RBFOX1: variants seen among roughly 807,000 people sequenced by gnomAD.
The protein encoded by RBFOX1 is RNA binding fox-1 homolog 1.
A neutral mutation model predicts 57.7 loss-of-function variants in RBFOX1; 8 were observed. The ratio of observed to expected loss-of-function variants is 0.14; its 90% confidence interval spans 0.08 to 0.25. RBFOX1 has a LOEUF of 0.25. Ranked by LOEUF, RBFOX1 falls within the 10% of genes least tolerant of loss-of-function variation. The probability of loss-of-function intolerance (pLI) is 1.00; values close to 1 mark genes in which losing one functional copy is unlikely to be tolerated. For missense variants in RBFOX1, 611 were observed against 548.5 expected (o/e 1.11, Z -1.14); for synonymous variants, 326 against 222.4 (o/e 1.47, Z -4.15).
At position 7,710,875 on chromosome 16, in the gene RBFOX1, A is replaced by G. The variant is rs2083907606; in HGVS notation, c.*130A>G. 5 of 983,502 alleles carry G rather than the reference A, an allele frequency of 5.1e-6. No homozygotes were observed. The Admixed American group carries it at 1.2e-4, about 23-fold the overall frequency. The allele number at this position is 983,502 out of a possible 1,614,324, so 60.9% of individuals were successfully genotyped here. On this transcript the variant is annotated 3_prime_UTR_variant, in exon 16 of 16. Transcript: ENST00000550418. ...AAAAAAAAATACAAATAAAAAGGAAAAAAAATTACATTTTTTATCTTATAC... is the reference window on the plus strand; with the variant it reads ...AAAAAAAAATACAAATAAAAAGGAAGAAAAATTACATTTTTTATCTTATAC...
At chr16:5,255,686 A>G (rs1364756740) in intron 1 of RBFOX1, among the ~76,000 whole-genome samples, 7 of 151,692 alleles carry the variant, frequency 4.6e-5, no homozygotes, top group Non-Finnish European at 1.0e-4. Flanking sequence ...CCACCCATCT[A>G]TCCATCCACC....
rs567180485 is a variant in RBFOX1 at position 5,831,350 on chromosome 16, T to C, written c.319-35953T>C. Among the ~76,000 whole-genome samples, 120 of 152,278 alleles carry C rather than the reference T, an allele frequency of 7.9e-4. No individual in the cohort carries two copies. In the South Asian group the frequency reaches 0.024, roughly 31 times the overall value. On this transcript the variant is annotated intron_variant, in intron 3 of 19. Transcript: ENST00000641259. ...CTCTATCTTGCTCCTGCTCTGGCCA[T>C]GGGACCTGCCTGTTCCCACTTGGCT...
intron 4 of RBFOX1, among the ~76,000 whole-genome samples, chr16:7,511,947 G>T (rs1041869879): frequency 2.0e-5 from 3 of 152,212 alleles, no homozygotes; most frequent in Non-Finnish European, 4.4e-5. Context: ...TCCAGGCACT[G>T]AAATTAAACG....
At chr16:7,393,461 C>T (rs1189449744) in intron 4 of RBFOX1, among the ~76,000 whole-genome samples, 2 of 152,184 alleles carry the variant, frequency 1.3e-5, no homozygotes, top group East Asian at 3.9e-4. Context: ...TATATAGTTT[C>T]TATATAATTT....
At chr16:6,187,478 T>C (rs2097112486) in intron 1 of RBFOX1, among the ~76,000 whole-genome samples, 1 of 152,154 alleles carries the variant, frequency 6.6e-6, no homozygotes, top group Non-Finnish European at 1.5e-5. Context: ...TTTTCTAAGC[T>C]TTTCTAATGA....
intron 4 of RBFOX1, among the ~76,000 whole-genome samples, chr16:7,489,571 G>T (rs182822169): frequency 2.0e-5 from 3 of 151,998 alleles, no homozygotes; most frequent in Non-Finnish European, 4.4e-5. Context: ...GCTGGAATGC[G>T]GTGGTACCAT....
chr16:6,926,657 A>C (rs2075642063), intron 3 of RBFOX1, among the ~76,000 whole-genome samples: 1 of 152,136 alleles, frequency 6.6e-6, no homozygotes, highest in Non-Finnish European at 1.5e-5. Flanking sequence ...TTGCGGGCTG[A>C]GTAAACATAT....
chr16:6,688,165 G>A (rs148357636), intron 3 of RBFOX1, among the ~76,000 whole-genome samples: 33 of 152,014 alleles, frequency 2.2e-4, no homozygotes, highest in African/African-American at 7.7e-4. Context: ...GGTTTCAGAA[G>A]ACTTTCAGTC....
intron 3 of RBFOX1, among the ~76,000 whole-genome samples, chr16:6,948,035 TC>T (rs2079915194): frequency 6.6e-6 from 1 of 152,110 alleles, no homozygotes. Context: ...TGCCTTCACC[TC>T]CCAAAATGTT....
chr16:5,961,400 G>T (rs1185316641), intron 4 of RBFOX1, among the ~76,000 whole-genome samples: 1 of 151,870 alleles, frequency 6.6e-6, no homozygotes, highest in Non-Finnish European at 1.5e-5. Flanking sequence ...AAATTCGGGT[G>T]GTGGGACAGA....
intron 3 of RBFOX1, among the ~76,000 whole-genome samples, chr16:6,784,763 G>C (rs1034394581): frequency 2.0e-5 from 3 of 151,950 alleles, no homozygotes; most frequent in African/African-American, 7.3e-5. Flanking sequence ...GTGGTCGGGG[G>C]TTGTGGGGAA....
intron 4 of RBFOX1, among the ~76,000 whole-genome samples, chr16:7,149,792 G>C (rs964466449): frequency 6.6e-6 from 1 of 152,014 alleles, no homozygotes; most frequent in Non-Finnish European, 1.5e-5. Context: ...TTTCCATTAA[G>C]TAATGTCTAG....
chr16:6,902,200 C>G (rs939103142), intron 3 of RBFOX1, among the ~76,000 whole-genome samples: 1 of 152,092 alleles, frequency 6.6e-6, no homozygotes, highest in African/African-American at 2.4e-5. Flanking sequence ...TTCTTGATGT[C>G]TTCATTTTTT....
chr16:7,138,868 G>C (rs555060262), intron 4 of RBFOX1, among the ~76,000 whole-genome samples: 5 of 152,270 alleles, frequency 3.3e-5, no homozygotes, highest in African/African-American at 1.2e-4. Flanking sequence ...GAGTGCAATG[G>C]TGTGATTTAG....
chr16:6,565,478 C>T (rs1032294007), intron 2 of RBFOX1, among the ~76,000 whole-genome samples: 1 of 150,944 alleles, frequency 6.6e-6, no homozygotes, highest in African/African-American at 2.4e-5. Context: ...AGGATGGTCT[C>T]GATCTCCTGA....
chr16:7,507,561 CTTTCTT>C (rs1257148512), intron 4 of RBFOX1, among the ~76,000 whole-genome samples: 2 of 122,904 alleles, frequency 1.6e-5, no homozygotes, highest in South Asian at 2.8e-4. Flanking sequence ...TTTTTTCTTT[CTTTCTT>C]TTTTTTTTTT....
At chr16:5,907,928 G>C (rs12929543) in intron 4 of RBFOX1, among the ~76,000 whole-genome samples, 53,487 of 151,344 alleles carry the variant, frequency 0.35, 9,941 homozygotes, top group East Asian at 0.52. Flanking sequence ...TTTTTTTACT[G>C]TTAGTAGAGA....
chr16:6,142,729 G>T (rs899763731), intron 1 of RBFOX1, among the ~76,000 whole-genome samples: 11 of 152,176 alleles, frequency 7.2e-5, no homozygotes, highest in African/African-American at 2.7e-4. Context: ...GCTTCATCTA[G>T]ACCAAATTAC....
chr16:7,028,856 C>T (rs531450901), intron 3 of RBFOX1, among the ~76,000 whole-genome samples: 33 of 150,632 alleles, frequency 2.2e-4, no homozygotes, highest in African/African-American at 5.8e-4. Flanking sequence ...GTGTGGGCAT[C>T]GCTTGGATCT....
Sources: allele counts gnomAD v4.1 joint callset (sites outside exome capture counted in the v4.1 genomes callset), GRCh38; gene constraint gnomAD v4.1.1; transcripts MANE v1.5; gene names NCBI Gene and HGNC (gene_info 2026-07-23, HGNC 2026-07-21).